BRIP1: variants seen among roughly 807,000 people sequenced by gnomAD.
BRIP1 encodes the protein Fanconi anemia group J protein.
A neutral mutation model predicts 119.7 loss-of-function variants in BRIP1; 88 were observed. That is an observed-to-expected ratio of 0.74 (90% CI 0.62 to 0.88). The LOEUF (loss-of-function observed/expected upper bound fraction) is 0.88. Among genes scored for constraint, BRIP1 ranks in the 40% least tolerant of loss-of-function variants. The pLI is 0.00. For missense variants in BRIP1, 1,259 were observed against 1,455.4 expected (o/e 0.87, Z 2.20); for synonymous variants, 443 against 496.5 (o/e 0.89, Z 1.43).
Position 61,832,851 on chromosome 17 carries a change from T to C in BRIP1, c.627+14250A>G, listed in dbSNP as rs548321821. 6.6e-6 allele frequency among the ~76,000 whole-genome samples: 1 copy of C among 152,354 alleles called. No individual in the cohort carries two copies. The highest frequency in any genetic ancestry group is 2.1e-4 in the South Asian group (1 of 4,826). On this transcript the variant is annotated intron_variant, in intron 6 of 19. Transcript: ENST00000259008. This position sits in a 1 kb window ranked among gnomAD's most constrained non-coding sequence, Gnocchi z 5.5. ...TAACTTCCTGATTCTTATGGTTATATTGTGATTATGTATAAGAATGTCTTT... is the reference window on the plus strand; with the variant it reads ...TAACTTCCTGATTCTTATGGTTATACTGTGATTATGTATAAGAATGTCTTT...
chr17:61,826,731 TAAAAAAAAAAAAA>T (rs58466965), intron 6 of BRIP1, among the ~76,000 whole-genome samples: 1 of 75,318 alleles, frequency 1.3e-5, no homozygotes, highest in South Asian at 6.0e-4. Context: ...TATTAAAAAG[TAAAAAAAAAAAAA>T]AAAAAAAAAA....
At chr17:61,785,463 T>C (rs2077691822) in intron 10 of BRIP1, among the ~76,000 whole-genome samples, 1 of 152,140 alleles carries the variant, frequency 6.6e-6, no homozygotes, top group Non-Finnish European at 1.5e-5. Flanking sequence ...ATGTGTTCAA[T>C]GAAAATAAAA....
At chr17:61,811,318 G>A (rs1029659927) in intron 6 of BRIP1, among the ~76,000 whole-genome samples, 7 of 151,890 alleles carry the variant, frequency 4.6e-5, no homozygotes, top group Admixed American at 1.3e-4. Context: ...CCATCTCCCA[G>A]GTTCCAGCAA....
At chr17:61,787,706 G>A (rs550293266) in intron 10 of BRIP1, among the ~76,000 whole-genome samples, 14 of 151,696 alleles carry the variant, frequency 9.2e-5, no homozygotes, top group East Asian at 1.9e-4. Flanking sequence ...CTGCAGTGGC[G>A]CGATTTCGGC....
At chr17:61,766,178 C>G (rs1027798433) in intron 14 of BRIP1, among the ~76,000 whole-genome samples, 1 of 152,128 alleles carries the variant, frequency 6.6e-6, no homozygotes, top group Non-Finnish European at 1.5e-5. Flanking sequence ...ATCAGGAGTT[C>G]TAAGGCAAAT....
At chr17:61,707,192 T>C (rs1417046614) in intron 17 of BRIP1, among the ~76,000 whole-genome samples, 2 of 152,316 alleles carry the variant, frequency 1.3e-5, no homozygotes, top group African/African-American at 2.4e-5. Context: ...AAATCAAAAA[T>C]TTCCCTAAAA....
rs2077241464 is a variant in BRIP1, at chr17:61,759,191, C to T, written c.2098-14600G>A. ...CTATATGCTGCCTACAAGAGATTTG[C>T]TTTTAAGGATGCACAGAGGCTGAAA... is the stretch of plus-strand genomic sequence containing the variant. On this transcript the variant is annotated intron_variant, in intron 14 of 19. Coordinates refer to ENST00000259008, the MANE Select transcript of BRIP1 (RefSeq NM_032043.3). This position sits in a 1 kb window ranked among gnomAD's most constrained non-coding sequence, Gnocchi z 4.9. 6.6e-6 allele frequency among the ~76,000 whole-genome samples: 1 copy of T among 151,896 alleles called. No individual in the cohort carries two copies.
chr17:61,859,049 C>CA (rs34782273), intron 3 of BRIP1, among the ~76,000 whole-genome samples: 2,327 of 43,928 alleles, frequency 0.053, 42 homozygotes, highest in South Asian at 0.11. Context: ...TGACGCCACT[C>CA]AAAAAAAAAA....
At position 61,775,018 on chromosome 17, in the gene BRIP1, G is replaced by T. The variant is rs934819226; in HGVS notation, c.2097+1383C>A. On this transcript the variant is annotated intron_variant, in intron 14 of 19. Transcript: ENST00000259008. This position sits in a 1 kb window ranked among gnomAD's most constrained non-coding sequence, Gnocchi z 4.4. ...CTTACATAACTGTGGAGTGAGTACAGTTTCCATAATCCCATAAATAACTTT... is the reference window on the plus strand; with the variant it reads ...CTTACATAACTGTGGAGTGAGTACATTTTCCATAATCCCATAAATAACTTT... Among the ~76,000 whole-genome samples, 1 of 152,170 alleles carries T rather than the reference G, an allele frequency of 6.6e-6. No individual in the cohort carries two copies. Among genetic ancestry groups the T allele is most frequent in the South Asian group, 2.1e-4 (1 of 4,834 alleles).
At chr17:61,765,597 G>A (rs111710587) in intron 14 of BRIP1, among the ~76,000 whole-genome samples, 8 of 148,740 alleles carry the variant, frequency 5.4e-5, no homozygotes, top group African/African-American at 9.9e-5. Context: ...CACCATGTCC[G>A]GTTAATTTTG....
intron 8 of BRIP1, among the ~76,000 whole-genome samples, chr17:61,800,274 T>C (rs1341333069): frequency 1.3e-5 from 2 of 152,100 alleles, no homozygotes; most frequent in African/African-American, 4.8e-5. Context: ...ATGAGTTATT[T>C]TGAGGAAGTA....
In BRIP1 at chr17:61,729,178, C is replaced by G. The variant is rs188334826; in HGVS notation, c.2380-13115G>C. On this transcript the variant is annotated intron_variant, in intron 16 of 19. Coordinates refer to ENST00000259008, the MANE Select transcript of BRIP1 (RefSeq NM_032043.3). The surrounding 1 kb of genome is among the most constrained non-coding windows in gnomAD (Gnocchi z 5.6). Reference sequence around the variant, plus strand: ...CCTGTAATCCCAGCTACTCGGGAGGCTGAGGCAGGAGGATCGCTTGAGCCT... The same window carrying G: ...CCTGTAATCCCAGCTACTCGGGAGGGTGAGGCAGGAGGATCGCTTGAGCCT... 4.0e-3 allele frequency among the ~76,000 whole-genome samples: 608 copies of G among 152,148 alleles called. 3 individuals carry two copies. The highest frequency in any genetic ancestry group is 0.014 in the African/African-American group (570 of 41,504).
chr17:61,799,334 G>A lies in BRIP1; in HGVS notation c.1141-35C>T, dbSNP rs773807347. 1.3e-6 allele frequency: 2 copies of A among 1,541,004 alleles called. No homozygotes were observed. The highest frequency in any genetic ancestry group is 1.8e-6 in the Non-Finnish European group (2 of 1,117,914). On this transcript the variant is annotated intron_variant, in intron 8 of 19. Transcript: ENST00000259008. This position sits in a 1 kb window ranked among gnomAD's most constrained non-coding sequence, Gnocchi z 5.1. Reference sequence around the variant, plus strand: ...AAAAGAATTTTCTTGTAAAACATTTGGCAAAATAGATTTAACAACAGCAGG... The same window carrying A: ...AAAAGAATTTTCTTGTAAAACATTTAGCAAAATAGATTTAACAACAGCAGG...
rs1255976866 is a variant in BRIP1, at chr17:61,841,453, A to G, written c.627+5648T>C. The stretch of plus-strand genomic sequence containing the variant: ...CAACAAGAACATGAAAAAATGCTGA[A>G]CATCACTAATCATCAGGGAAATATA... On this transcript the variant is annotated intron_variant, in intron 6 of 19. Transcript: ENST00000259008. This position sits in a 1 kb window ranked among gnomAD's most constrained non-coding sequence, Gnocchi z 4.1. Among the ~76,000 whole-genome samples the G allele has an allele frequency of 1.3e-5, 2 of 152,170 alleles. No individual in the cohort carries two copies. The highest frequency in any genetic ancestry group is 4.8e-5 in the African/African-American group (2 of 41,434).
Position 61,751,365 on chromosome 17 carries a change from G to A in BRIP1, c.2098-6774C>T, listed in dbSNP as rs1202442723. On this transcript the variant is annotated intron_variant, in intron 14 of 19. Coordinates refer to ENST00000259008, the MANE Select transcript of BRIP1 (RefSeq NM_032043.3). The surrounding 1 kb of genome is among the most constrained non-coding windows in gnomAD (Gnocchi z 6.7). ...CAGGAGTCATTGTTCCATCAGTACA[G>A]TTTCTGACTGGGATGATTGAAAAGT... Among the ~76,000 whole-genome samples, 1 of 152,194 alleles carries A rather than the reference G, an allele frequency of 6.6e-6. No individual in the cohort carries two copies. Among genetic ancestry groups the A allele is most frequent in the East Asian group, 1.9e-4 (1 of 5,198 alleles).
intron 16 of BRIP1, among the ~76,000 whole-genome samples, chr17:61,723,494 T>C (rs1404825159): frequency 4.6e-5 from 7 of 152,212 alleles, no homozygotes; most frequent in Non-Finnish European, 1.0e-4. Context: ...TACCTTATAA[T>C]CTAACAACAT....
chr17:61,679,568 C>T lies in BRIP1; in HGVS notation c.*3728G>A, dbSNP rs1334574184. On this transcript the variant is annotated 3_prime_UTR_variant, in exon 20 of 20. Transcript: ENST00000259008. This position sits in a 1 kb window ranked among gnomAD's most constrained non-coding sequence, Gnocchi z 4.4. ...TTTGATAAACAATCTCTACCTTATACATCTCAAAAGCTTAAAAAATAAGCC... is the reference window on the plus strand; with the variant it reads ...TTTGATAAACAATCTCTACCTTATATATCTCAAAAGCTTAAAAAATAAGCC... Among the ~76,000 whole-genome samples, 1 of 152,134 alleles carries T rather than the reference C, an allele frequency of 6.6e-6. No homozygotes were observed. The highest frequency in any genetic ancestry group is 1.9e-4 in the East Asian group (1 of 5,202).
At chr17:61,737,583 A>T (rs529296028) in intron 16 of BRIP1, among the ~76,000 whole-genome samples, 1 of 152,358 alleles carries the variant, frequency 6.6e-6, no homozygotes, top group Non-Finnish European at 1.5e-5. Context: ...TATATTCCAT[A>T]GAGGCATACA....
intron 4 of BRIP1, among the ~76,000 whole-genome samples, chr17:61,850,425 T>C (rs901222079): frequency 3.3e-5 from 5 of 151,970 alleles, no homozygotes; most frequent in Non-Finnish European, 7.4e-5. Flanking sequence ...ACACTGAGTC[T>C]AACCCATGGC....
Sources: gnomAD v4.1 joint callset for allele counts (sites outside exome capture counted in the v4.1 genomes callset) on GRCh38, gnomAD v4.1.1 for gene constraint, Gnocchi (gnomAD v3.1) non-coding constraint, MANE v1.5 for transcripts, NCBI Gene and HGNC (gene_info 2026-07-23, HGNC 2026-07-21) for gene names.